The following MPPED2 variants were observed in gnomAD, a reference collection of about 807,000 sequenced individuals.
MPPED2 encodes the protein metallophosphoesterase domain containing 2, also known as metallophosphoesterase MPPED2.
In MPPED2, 5 loss-of-function variants were observed where a neutral mutation model predicts 33.0. The ratio of observed to expected loss-of-function variants is 0.15; its 90% CI spans 0.08 to 0.32. The LOEUF (loss-of-function observed/expected upper bound fraction) is 0.32, where lower values mean the gene tolerates loss of function less well. MPPED2 is among the 10% of genes least tolerant of loss of function. MPPED2 has a pLI of 1.00. For synonymous variants in MPPED2, 136 were observed against 141.9 expected (o/e 0.96, Z 0.29); for missense variants, 275 against 372.1 (o/e 0.74, Z 2.15).
At position 30,441,822 on chromosome 11, in the gene MPPED2, C is replaced by T. The variant is rs566197671; in HGVS notation, c.537-24189G>A. Reference sequence around the variant, plus strand: ...CTCATCACAGTTGTCACAGCCCATTCCCCAGGCTAGGTTAGGCTGCTTCTT... The same window carrying T: ...CTCATCACAGTTGTCACAGCCCATTTCCCAGGCTAGGTTAGGCTGCTTCTT... On this transcript the variant is annotated intron_variant, in intron 4 of 6. Coordinates refer to ENST00000358117, the MANE Select transcript of MPPED2 (RefSeq NM_001584.3). 3.6e-4 allele frequency among the ~76,000 whole-genome samples: 55 copies of T among 152,286 alleles called. No homozygotes were observed. In the South Asian group the frequency reaches 0.011, roughly 29 times the overall value.
At chr11:30,444,448 C>A (rs1400452273) in intron 4 of MPPED2, among the ~76,000 whole-genome samples, 1 of 136,512 alleles carries the variant, frequency 7.3e-6, no homozygotes, top group East Asian at 2.1e-4. Flanking sequence ...GAACATCATT[C>A]TATTTTTTTT....
intron 4 of MPPED2, among the ~76,000 whole-genome samples, chr11:30,467,519 AC>A (rs201643958): frequency 0.023 from 3,555 of 152,124 alleles, 73 homozygotes; most frequent in Admixed American, 0.058. Context: ...CTAACAGAGG[AC>A]CCATCAGCAG....
At chr11:30,560,590 G>A (rs543649767) in intron 2 of MPPED2, among the ~76,000 whole-genome samples, 19 of 152,222 alleles carry the variant, frequency 1.2e-4, no homozygotes, top group African/African-American at 4.1e-4. Context: ...CCCTAGCTCC[G>A]TAGAATGCCA....
At chr11:30,461,916 A>C (rs540432241) in intron 4 of MPPED2, among the ~76,000 whole-genome samples, 6 of 152,340 alleles carry the variant, frequency 3.9e-5, no homozygotes, top group African/African-American at 1.4e-4. Context: ...CTGTGTAAAC[A>C]TTGAGGCAGA....
At chr11:30,520,395 T>C (rs1037526954) in intron 3 of MPPED2, among the ~76,000 whole-genome samples, 1 of 152,162 alleles carries the variant, frequency 6.6e-6, no homozygotes, top group Non-Finnish European at 1.5e-5. Flanking sequence ...ATTCAGGCAA[T>C]GTAACCAAAA....
chr11:30,499,600 C>A (rs545617838), intron 3 of MPPED2, among the ~76,000 whole-genome samples: 105 of 152,194 alleles, frequency 6.9e-4, no homozygotes, highest in African/African-American at 2.5e-3. Context: ...ACATTGAATC[C>A]TCCTCCTTGG....
intron 2 of MPPED2, among the ~76,000 whole-genome samples, chr11:30,574,612 C>G (rs1340525908): frequency 6.6e-6 from 1 of 152,154 alleles, no homozygotes; most frequent in Non-Finnish European, 1.5e-5. Context: ...AACCAATGAA[C>G]AGCCTTTGGC....
At chr11:30,565,184 T>A (rs1003346137) in intron 2 of MPPED2, among the ~76,000 whole-genome samples, 4 of 152,152 alleles carry the variant, frequency 2.6e-5, no homozygotes, top group African/African-American at 7.2e-5. Flanking sequence ...GCGCACCAGA[T>A]AATTTACACT....
intron 4 of MPPED2, among the ~76,000 whole-genome samples, chr11:30,418,885 C>T (rs151088397): frequency 1.8e-4 from 28 of 152,258 alleles, no homozygotes; most frequent in Non-Finnish European, 2.9e-4. Context: ...AAGACCAGAG[C>T]GAGAAGAATG....
chr11:30,509,228 C>G (rs1953007094), intron 3 of MPPED2, among the ~76,000 whole-genome samples: 1 of 152,076 alleles, frequency 6.6e-6, no homozygotes, highest in South Asian at 2.1e-4. Flanking sequence ...GTTGGCCCAC[C>G]TGTAGTAAGG....
intron 4 of MPPED2, among the ~76,000 whole-genome samples, chr11:30,485,471 A>AGTT: frequency 6.6e-6 from 1 of 151,816 alleles, no homozygotes. Flanking sequence ...CATGTGTAAC[A>AGTT]AGGTAAATAA....
rs186432036 is a variant in MPPED2, at chr11:30,576,367, A to G, written c.128+3879T>C. On this transcript the variant is annotated intron_variant, in intron 2 of 6. Coordinates refer to ENST00000358117, the MANE Select transcript of MPPED2 (RefSeq NM_001584.3). ...GCAGTGTAAGATTCAAGGGGTGTTAACAACAGAAGGCGCAGATAAGGAAAG... is the reference window on the plus strand; with the variant it reads ...GCAGTGTAAGATTCAAGGGGTGTTAGCAACAGAAGGCGCAGATAAGGAAAG... 9.2e-5 allele frequency among the ~76,000 whole-genome samples: 14 copies of G among 152,316 alleles called. No homozygotes were observed. In the East Asian group the frequency reaches 2.7e-3, roughly 29 times the overall value.
intron 2 of MPPED2, among the ~76,000 whole-genome samples, chr11:30,547,697 T>C (rs1178369433): frequency 1.3e-5 from 2 of 152,224 alleles, no homozygotes; most frequent in Non-Finnish European, 2.9e-5. Context: ...TTTTGATCCA[T>C]TTGCAAATTA....
At chr11:30,523,964 C>T (rs1954016812) in intron 3 of MPPED2, among the ~76,000 whole-genome samples, 2 of 152,110 alleles carry the variant, frequency 1.3e-5, no homozygotes, top group East Asian at 3.9e-4. Context: ...GAAGAGAGAA[C>T]AAGGGGCTGG....
chr11:30,512,518 G>C (rs984152512), intron 3 of MPPED2, among the ~76,000 whole-genome samples: 1 of 152,252 alleles, frequency 6.6e-6, no homozygotes, highest in Middle Eastern at 3.4e-3. Flanking sequence ...CTCTTGTTGT[G>C]GGGGGAAGGA....
intron 4 of MPPED2, among the ~76,000 whole-genome samples, chr11:30,465,934 G>T (rs1446029837): frequency 6.6e-6 from 1 of 152,204 alleles, no homozygotes; most frequent in Non-Finnish European, 1.5e-5. Flanking sequence ...GGGCTTCAGT[G>T]TCTTTGAAAG....
At chr11:30,557,214 TATATATATATA>T (rs1565181852) in intron 2 of MPPED2, among the ~76,000 whole-genome samples, 1 of 137,678 alleles carries the variant, frequency 7.3e-6, no homozygotes, top group African/African-American at 3.6e-5. Context: ...ATAAGCAAAT[TATATATATATA>T]ATATATATAT....
chr11:30,565,494 C>A (rs894006139), intron 2 of MPPED2, among the ~76,000 whole-genome samples: 3 of 152,096 alleles, frequency 2.0e-5, no homozygotes, highest in African/African-American at 7.2e-5. Context: ...ATCAGAGCCC[C>A]TTTACCTACA....
chr11:30,508,681 A>T (rs1952975436), intron 3 of MPPED2, among the ~76,000 whole-genome samples: 1 of 152,096 alleles, frequency 6.6e-6, no homozygotes, highest in Non-Finnish European at 1.5e-5. Flanking sequence ...CTCCCTCCAC[A>T]CACTTAAACA....
Sources: allele counts gnomAD v4.1 joint callset (sites outside exome capture counted in the v4.1 genomes callset), GRCh38; gene constraint gnomAD v4.1.1; transcripts MANE v1.5; gene names NCBI Gene and HGNC (gene_info 2026-07-23, HGNC 2026-07-21).